SLC13A3: variants seen among roughly 807,000 people sequenced by gnomAD.
SLC13A3 encodes solute carrier family 13 member 3.
Under a neutral mutation model 59.0 loss-of-function variants are expected in SLC13A3, and 40 were observed. That is an observed-to-expected ratio of 0.68 (90% CI 0.53 to 0.88). The LOEUF (loss-of-function observed/expected upper bound fraction) is 0.88, where lower values mean the gene tolerates loss of function less well. SLC13A3 is among the 40% of genes least tolerant of loss of function. SLC13A3 has a pLI of 0.00. For missense variants in SLC13A3, 699 were observed against 783.2 expected (o/e 0.89, Z 1.28); for synonymous variants, 317 against 330.3 (o/e 0.96, Z 0.44).
intron 1 of SLC13A3, among the ~76,000 whole-genome samples, chr20:46,628,060 T>C (rs1035565675): frequency 6.6e-6 from 1 of 152,208 alleles, no homozygotes; most frequent in African/African-American, 2.4e-5. Context: ...TCCTGTTTCA[T>C]GAACTCACAC....
At position 46,559,759 on chromosome 20, in the gene SLC13A3, A is replaced by G; in HGVS notation, c.*263T>C. The G allele has an allele frequency of 2.3e-6, 1 of 429,812 alleles. No individual in the cohort carries two copies. The highest frequency in any genetic ancestry group is 4.2e-6 in the Non-Finnish European group (1 of 236,232). The allele number at this position is 429,812 out of a possible 1,614,324, so 26.6% of individuals were successfully genotyped here. A position where few individuals can be genotyped will look rare whatever the true frequency, so the allele number is the denominator to read the frequency against. ...TGACACTGGGCTGTCTTGTATCCTA[A>G]TGATAAAACAGCTAACTGATAAAGG... On this transcript the variant is annotated 3_prime_UTR_variant, in exon 13 of 13. Transcript: ENST00000279027.
chr20:46,608,756 C>A (rs2062461935), intron 3 of SLC13A3: 3 of 1,164,128 alleles, frequency 2.6e-6, no homozygotes, highest in South Asian at 2.1e-5. Flanking sequence ...ATTTTAAAAA[C>A]TAGAACTAGC....
intron 1 of SLC13A3, among the ~76,000 whole-genome samples, chr20:46,682,543 CG>C (rs1030671086): frequency 2.1e-4 from 32 of 152,076 alleles, no homozygotes; most frequent in Admixed American, 1.6e-3. Context: ...GGTCGCATCT[CG>C]GTGTCATATC....
At chr20:46,645,225 G>A (rs968671354) in intron 1 of SLC13A3, among the ~76,000 whole-genome samples, 1 of 152,184 alleles carries the variant, frequency 6.6e-6, no homozygotes, top group Non-Finnish European at 1.5e-5. Flanking sequence ...AAAGCCGCCT[G>A]TGGATTACAT....
At position 46,558,597 on chromosome 20, in the gene SLC13A3, T is replaced by A. The variant is rs1046185016; in HGVS notation, c.*1425A>T. 6.6e-6 allele frequency: 1 copy of A among 152,164 alleles called. No individual in the cohort carries two copies. Among genetic ancestry groups the A allele is most frequent in the Non-Finnish European group, 1.5e-5 (1 of 68,056 alleles). 9.4% of individuals were successfully genotyped at this position (152,164 alleles called of 1,614,324 possible). ...GTTGTAACTGTGATTCAACACTGAG[T>A]GCTCACTTGGAAAGGAGGTGGAGCT... On this transcript the variant is annotated 3_prime_UTR_variant, in exon 13 of 13. Transcript: ENST00000279027.
At chr20:46,677,818 TG>T (rs1480331609) in intron 1 of SLC13A3, among the ~76,000 whole-genome samples, 2 of 152,114 alleles carry the variant, frequency 1.3e-5, no homozygotes, top group Non-Finnish European at 2.9e-5. Context: ...TAGGGAGCAG[TG>T]GAGACTGGGG....
intron 10 of SLC13A3, among the ~76,000 whole-genome samples, chr20:46,575,165 AGAGG>A (rs1465998914): frequency 1.3e-5 from 2 of 152,040 alleles, no homozygotes; most frequent in East Asian, 3.9e-4. Context: ...AAAAAAAGAG[AGAGG>A]GTCTCACTAT....
intron 1 of SLC13A3, among the ~76,000 whole-genome samples, chr20:46,618,759 G>A (rs1192316252): frequency 6.6e-6 from 1 of 152,182 alleles, no homozygotes; most frequent in African/African-American, 2.4e-5. Context: ...AAGGTATTTT[G>A]TTATAGTAGC....
intron 4 of SLC13A3, among the ~76,000 whole-genome samples, chr20:46,598,478 C>T (rs2062337915): frequency 6.6e-6 from 1 of 152,190 alleles, no homozygotes; most frequent in African/African-American, 2.4e-5. Context: ...GGTTTGCATC[C>T]AACAGATGTA....
intron 1 of SLC13A3, among the ~76,000 whole-genome samples, chr20:46,627,111 C>T (rs543156711): frequency 6.6e-6 from 1 of 152,320 alleles, no homozygotes; most frequent in East Asian, 1.9e-4. Flanking sequence ...ACCAGGAGCA[C>T]CATGCAAACA....
chr20:46,637,682 C>T (rs1217240480), intron 1 of SLC13A3, among the ~76,000 whole-genome samples: 1 of 152,170 alleles, frequency 6.6e-6, no homozygotes, highest in Non-Finnish European at 1.5e-5. Context: ...GCATGTGAAC[C>T]CATCATCACA....
chr20:46,652,138 A>G (rs183363551), upstream of SLC13A3, among the ~76,000 whole-genome samples: 46 of 152,326 alleles, frequency 3.0e-4, 1 homozygote, highest in South Asian at 4.3e-3. Context: ...ACTAATGGGC[A>G]CTAGGCTTAA....
rs143031182 is a variant in SLC13A3 at position 46,602,192 on chromosome 20, C to A, written c.542-2155G>T. On this transcript the variant is annotated intron_variant, in intron 3 of 12. Transcript: ENST00000279027. The stretch of plus-strand genomic sequence containing the variant: ...TAAAAAACATTCTCCAAAAAATTAG[C>A]TGGGTGTGGTGGTGCATGCCTGTAG... Among the ~76,000 whole-genome samples, 4 of 152,098 alleles carry A rather than the reference C, an allele frequency of 2.6e-5. No individual in the cohort carries two copies. In the East Asian group the frequency reaches 7.7e-4, roughly 29 times the overall value.
At chr20:46,633,095 C>T (rs530482487) in intron 1 of SLC13A3, among the ~76,000 whole-genome samples, 6 of 152,228 alleles carry the variant, frequency 3.9e-5, no homozygotes, top group South Asian at 4.1e-4. Context: ...GAAGGTTCAT[C>T]CCAATGATCC....
intron 8 of SLC13A3, chr20:46,585,267 T>TA: frequency 1.0e-6 from 1 of 975,516 alleles, no homozygotes. Flanking sequence ...TATGTGTGCG[T>TA]ATCTGGAATG....
In SLC13A3 at chr20:46,645,125, G is replaced by A. The variant is rs567522112; in HGVS notation, c.111+6186C>T. ...TTCTGGAGGCCACCTGCATTCCTCA[G>A]CTCACAGCCCCACATCACATTGCTT... On this transcript the variant is annotated intron_variant, in intron 1 of 12. Coordinates refer to ENST00000279027, the MANE Select transcript of SLC13A3 (RefSeq NM_022829.6). 3.3e-5 allele frequency among the ~76,000 whole-genome samples: 5 copies of A among 152,178 alleles called. No individual in the cohort carries two copies. The East Asian group carries it at 9.7e-4, about 29-fold the overall frequency.
intron 1 of SLC13A3, among the ~76,000 whole-genome samples, chr20:46,639,176 G>A (rs1230124551): frequency 2.0e-5 from 3 of 150,396 alleles, no homozygotes; most frequent in Non-Finnish European, 4.4e-5. Context: ...AGGCATGGTG[G>A]CTCACGCCTG....
Position 46,682,888 on chromosome 20 carries a change from G to C in SLC13A3, c.-31+1508C>G, listed in dbSNP as rs1193626871. 2.0e-5 allele frequency among the ~76,000 whole-genome samples: 3 copies of C among 152,144 alleles called. No homozygotes were observed. The East Asian group carries it at 5.8e-4, about 29-fold the overall frequency. The stretch of plus-strand genomic sequence containing the variant: ...CCTGCAGCTCCCCGGTGGACGTCAA[G>C]GGATCTGAAAGTGCAGAGGGTTCCT... On this transcript the variant is annotated intron_variant, in intron 1 of 6. Coordinates refer to the SLC13A3 transcript ENST00000372121.
chr20:46,565,764 A>T (rs979703302), intron 11 of SLC13A3, among the ~76,000 whole-genome samples: 4 of 152,186 alleles, frequency 2.6e-5, no homozygotes, highest in African/African-American at 7.2e-5. Context: ...TAGTGAGCAG[A>T]GCCCAGGGAT....
Sources: allele counts gnomAD v4.1 joint callset (sites outside exome capture counted in the v4.1 genomes callset), GRCh38; gene constraint gnomAD v4.1.1; transcripts MANE v1.5; gene names NCBI Gene and HGNC (gene_info 2026-07-23, HGNC 2026-07-21).